The following SMCHD1 variants were observed in gnomAD, a reference collection of about 807,000 sequenced individuals.
SMCHD1 encodes structural maintenance of chromosomes flexible hinge domain containing 1, also known as structural maintenance of chromosomes flexible hinge domain-containing protein 1.
Under a neutral mutation model 254.7 loss-of-function variants are expected in SMCHD1, and 78 were observed. The ratio of observed to expected loss-of-function variants is 0.31; its 90% confidence interval spans 0.26 to 0.37. SMCHD1 has a LOEUF of 0.37. Among genes scored for constraint, SMCHD1 ranks in the 10% least tolerant of loss-of-function variants. The pLI, the probability that SMCHD1 is intolerant of heterozygous loss-of-function variation, is 1.00. For synonymous variants in SMCHD1, 766 were observed against 794.9 expected (o/e 0.96, Z 0.61); for missense variants, 1,840 against 2,408.1 (o/e 0.76, Z 4.94).
chr18:2,668,317 A>G (rs933509023), intron 3 of SMCHD1, among the ~76,000 whole-genome samples: 2 of 152,226 alleles, frequency 1.3e-5, no homozygotes, highest in Non-Finnish European at 2.9e-5. Context: ...ACTATTGGCT[A>G]CAGTGCCAGG....
At chr18:2,770,274 A>G (rs915834617) in intron 39 of SMCHD1, among the ~76,000 whole-genome samples, 166 bp downstream of exon 39, 7 of 152,232 alleles carry the variant, frequency 4.6e-5, no homozygotes, top group Non-Finnish European at 8.8e-5. Context: ...AATTCTTAAG[A>G]TGAAGTATTT....
chr18:2,707,673 A>G (rs2074550240), intron 16 of SMCHD1, 28 bp downstream of exon 16: 2 of 1,519,012 alleles, frequency 1.3e-6, no homozygotes, highest in Non-Finnish European at 1.8e-6. Context: ...TCTAATACCA[A>G]AAAGTGTGCT....
At chr18:2,762,751 G>A (rs140060536) in intron 36 of SMCHD1, among the ~76,000 whole-genome samples, 4,069 of 152,122 alleles carry the variant, frequency 0.027, 71 homozygotes, top group Middle Eastern at 0.11. Flanking sequence ...GCCTTCCAAA[G>A]TGCTGGGATT....
chr18:2,744,805 C>G (rs533729037), intron 29 of SMCHD1, among the ~76,000 whole-genome samples: 20 of 152,158 alleles, frequency 1.3e-4, no homozygotes, highest in African/African-American at 4.6e-4. Flanking sequence ...TATGGAATAG[C>G]AGGGCTTTAA....
rs754634408 is a variant in SMCHD1 at position 2,751,415 on chromosome 18, T to C, written c.4281+22T>C. On this transcript the variant is annotated intron_variant, in intron 33 of 47. Coordinates refer to ENST00000320876, the MANE Select transcript of SMCHD1 (RefSeq NM_015295.3). ...AAATGTGAGTCATGGGAAGCATTTT[T>C]TGAAGTTAAAAATAGTTCTTACATT... 4 of 1,405,854 alleles carry C rather than the reference T, an allele frequency of 2.8e-6. No individual in the cohort carries two copies. The African/African-American group carries it at 4.5e-5, about 16-fold the overall frequency. 87.1% of individuals were successfully genotyped at this position (1,405,854 alleles called of 1,614,324 possible).
Position 2,660,886 on chromosome 18 carries a change from T to C in SMCHD1, c.186+4625T>C, listed in dbSNP as rs143315448. Among the ~76,000 whole-genome samples the C allele has an allele frequency of 4.1e-3, 630 of 152,280 alleles. 4 individuals are homozygous for C. Among genetic ancestry groups the C allele is most frequent in the African/African-American group, 0.015 (609 of 41,532 alleles). The stretch of plus-strand genomic sequence containing the variant: ...TTTAATATGGATTAATTTTAAAGTT[T>C]ATTGCAGCACTATTTACAATAGTAA... On this transcript the variant is annotated intron_variant, in intron 1 of 47. Transcript: ENST00000320876.
At chr18:2,703,992 T>A in intron 13 of SMCHD1, 106 bp downstream of exon 13, 1 of 885,610 alleles carries the variant, frequency 1.1e-6, no homozygotes, top group Non-Finnish European at 1.6e-6. Flanking sequence ...AAAATTTCTT[T>A]TTTTCCCATT....
intron 45 of SMCHD1, among the ~76,000 whole-genome samples, chr18:2,793,656 C>CAAAAAAAAAAAACAA (rs2076208837): frequency 2.3e-5 from 1 of 43,916 alleles, no homozygotes; most frequent in Non-Finnish European, 4.3e-5. Flanking sequence ...GACTCCGTCT[C>CAAAAAAAAAAAACAA]AAAAAAAAAA....
In SMCHD1 at chr18:2,655,917, C is replaced by CCG; in HGVS notation, c.-157_-156dup. The CCG allele has an allele frequency of 2.2e-6, 1 of 449,798 alleles. No individual in the cohort carries two copies. The highest frequency in any genetic ancestry group is 3.6e-6 in the Non-Finnish European group (1 of 279,164). The allele number at this position is 449,798 out of a possible 1,614,324, so 27.9% of individuals were successfully genotyped here. A position where few individuals can be genotyped will look rare whatever the true frequency, so the allele number is the denominator to read the frequency against. ...GGTTCCCGGGTGATCCTCGCGCCTG[C>CCG]CGCTGCTCGGCCGCCGCCGCTGACG... is the stretch of plus-strand genomic sequence containing the variant. On this transcript the variant is annotated 5_prime_UTR_variant, in exon 1 of 48. Coordinates refer to ENST00000320876, the MANE Select transcript of SMCHD1 (RefSeq NM_015295.3).
chr18:2,742,428 CT>C (rs938716234), intron 28 of SMCHD1, among the ~76,000 whole-genome samples: 1 of 152,120 alleles, frequency 6.6e-6, no homozygotes, highest in African/African-American at 2.4e-5. Context: ...TTCAGAAGGG[CT>C]TTTGGTTCAG....
chr18:2,770,840 C>T (rs983457229), intron 39 of SMCHD1, among the ~76,000 whole-genome samples: 2 of 152,042 alleles, frequency 1.3e-5, no homozygotes, highest in African/African-American at 4.8e-5. Context: ...GGGCTGGTCT[C>T]GAACTTCTTA....
intron 39 of SMCHD1, among the ~76,000 whole-genome samples, chr18:2,770,902 G>GT (rs1233037466): frequency 6.6e-6 from 1 of 152,148 alleles, no homozygotes; most frequent in Non-Finnish European, 1.5e-5. Flanking sequence ...GATTACAGGT[G>GT]TTAGCCACCA....
intron 3 of SMCHD1, among the ~76,000 whole-genome samples, chr18:2,669,134 C>T (rs2073524827): frequency 1.4e-5 from 2 of 148,062 alleles, no homozygotes; most frequent in South Asian, 4.4e-4. Context: ...TCACTTGAGA[C>T]CAGGACTTTA....
chr18:2,780,014 G>C (rs1276105229), intron 44 of SMCHD1, among the ~76,000 whole-genome samples: 1 of 151,932 alleles, frequency 6.6e-6, no homozygotes, highest in Admixed American at 6.6e-5. Context: ...CCAAGGTAGG[G>C]GATCATTTGA....
chr18:2,664,811 A>G (rs760898384), intron 1 of SMCHD1, among the ~76,000 whole-genome samples: 20 of 152,218 alleles, frequency 1.3e-4, no homozygotes, highest in Non-Finnish European at 2.1e-4. Flanking sequence ...GAATTCTTTA[A>G]GGAACAACTT....
chr18:2,712,962 T>C (rs2074714737), intron 17 of SMCHD1, among the ~76,000 whole-genome samples: 1 of 152,246 alleles, frequency 6.6e-6, no homozygotes, highest in Non-Finnish European at 1.5e-5. Flanking sequence ...TGTTTTCTTT[T>C]GGTTCTTATC....
At position 2,656,181 on chromosome 18, in the gene SMCHD1, A is replaced by G. The variant is rs925480851; in HGVS notation, c.106A>G (p.Lys36Glu). The part of the protein sequence containing the change: ...RTVYLFDRRE[K>E]ESELGDRPLQ... The stretch of plus-strand genomic sequence containing the variant: ...GGTGTACTTGTTTGATCGGCGCGAA[A>G]AGGAGTCCGAGCTCGGGGACCGGCC... Residue 36 changes from lysine (K) to glutamate (E), a missense_variant, in exon 1 of 48, where the codon AAG becomes GAG. Physicochemically the swap from Lys to Glu is moderately conservative, Grantham distance 56 (BLOSUM62 1). This residue lies in a region of SMCHD1 where 115 missense variants were observed against 99.1 expected (regional missense o/e 1.16). Coordinates refer to ENST00000320876, the MANE Select transcript of SMCHD1 (RefSeq NM_015295.3). 4 of 1,509,310 alleles carry G rather than the reference A, an allele frequency of 2.7e-6. No homozygotes were observed. Among genetic ancestry groups the G allele is most frequent in the African/African-American group, 2.9e-5 (2 of 68,516 alleles). The allele number at this position is 1,509,310 out of a possible 1,614,324, so 93.5% of individuals were successfully genotyped here.
At chr18:2,773,903 A>T (rs1015473928) in intron 41 of SMCHD1, among the ~76,000 whole-genome samples, 9 of 152,208 alleles carry the variant, frequency 5.9e-5, no homozygotes, top group Non-Finnish European at 1.3e-4. Context: ...AGCCTGAGTG[A>T]CAGAGCGAGA....
chr18:2,749,886 T>C (rs1245685705), intron 30 of SMCHD1, among the ~76,000 whole-genome samples, 157 bp from the exon 31 acceptor site: 1 of 152,180 alleles, frequency 6.6e-6, no homozygotes, highest in Middle Eastern at 3.2e-3. Flanking sequence ...TACTACATTA[T>C]TCCAACTAGT....
Sources: allele counts gnomAD v4.1 joint callset (sites outside exome capture counted in the v4.1 genomes callset), GRCh38; gene constraint gnomAD v4.1.1; regional missense constraint gnomAD v4.1.1; transcripts MANE v1.5; gene names NCBI Gene and HGNC (gene_info 2026-07-23, HGNC 2026-07-21).